Variants in MAN2A1 observed in about 807,000 individuals in gnomAD.
MAN2A1 encodes alpha-mannosidase 2.
MAN2A1 carries 76 observed loss-of-function variants against 142.6 expected under a neutral mutation model. The ratio of observed to expected loss-of-function variants is 0.53; its 90% CI spans 0.44 to 0.65. MAN2A1 has a LOEUF of 0.65. MAN2A1 is among the 30% of genes least tolerant of loss of function. The pLI, the probability that MAN2A1 is intolerant of heterozygous loss-of-function variation, is 0.00. For missense variants in MAN2A1, 1,311 were observed against 1,365.1 expected (o/e 0.96, Z 0.62); for synonymous variants, 559 against 473.2 (o/e 1.18, Z -2.35).
chr5:109,858,625 T>C (rs1755682289), intron 20 of MAN2A1, among the ~76,000 whole-genome samples: 1 of 152,234 alleles, frequency 6.6e-6, no homozygotes, highest in South Asian at 2.1e-4. Flanking sequence ...AAGCAAGACC[T>C]GAAGTCTGCA....
At position 109,828,463 on chromosome 5, in the gene MAN2A1, A is replaced by G. The variant is rs575322113; in HGVS notation, c.2566+4626A>G. Among the ~76,000 whole-genome samples, 13 of 152,332 alleles carry G rather than the reference A, an allele frequency of 8.5e-5. No homozygotes were observed. The South Asian group carries it at 2.7e-3, about 32-fold the overall frequency. ...CAAGGAAAGTACATACCTTGCAATA[A>G]TATAATACCAATAAGTGACATTGTT... On this transcript the variant is annotated intron_variant, in intron 16 of 21. Coordinates refer to ENST00000261483, the MANE Select transcript of MAN2A1 (RefSeq NM_002372.4).
chr5:109,708,764 A>G (rs1751212621), intron 1 of MAN2A1, among the ~76,000 whole-genome samples: 1 of 152,158 alleles, frequency 6.6e-6, no homozygotes. Context: ...TCTGGAGTCT[A>G]AAGGCTGGAG....
At chr5:109,759,274 TA>T (rs1258432931) in intron 5 of MAN2A1, among the ~76,000 whole-genome samples, 2 of 152,194 alleles carry the variant, frequency 1.3e-5, no homozygotes, top group Non-Finnish European at 2.9e-5. Context: ...AAAAGTCCTG[TA>T]CTTTTTTTGT....
intron 6 of MAN2A1, among the ~76,000 whole-genome samples, chr5:109,767,995 A>G (rs770779631): frequency 5.9e-5 from 9 of 152,238 alleles, no homozygotes; most frequent in Non-Finnish European, 1.2e-4. Flanking sequence ...CTTCTGTTTT[A>G]GAAAGCACGT....
intron 1 of MAN2A1, among the ~76,000 whole-genome samples, chr5:109,709,889 A>G (rs1432985829): frequency 1.3e-5 from 2 of 152,164 alleles, no homozygotes; most frequent in Non-Finnish European, 2.9e-5. Flanking sequence ...CAATGTTACT[A>G]TAAGTATTCT....
At chr5:109,786,184 A>G (rs987283203) in intron 10 of MAN2A1, among the ~76,000 whole-genome samples, 5 of 152,176 alleles carry the variant, frequency 3.3e-5, no homozygotes, top group African/African-American at 1.2e-4. Context: ...GAAAACCCTC[A>G]TTAGATGATA....
intron 4 of MAN2A1, among the ~76,000 whole-genome samples, chr5:109,749,643 G>A (rs1458784050): frequency 6.6e-6 from 1 of 152,012 alleles, no homozygotes; most frequent in Non-Finnish European, 1.5e-5. Context: ...GAAATATCAT[G>A]AAGTGTACAT....
chr5:109,822,869 G>A (rs1455112356), intron 15 of MAN2A1, among the ~76,000 whole-genome samples: 1 of 152,022 alleles, frequency 6.6e-6, no homozygotes, highest in Non-Finnish European at 1.5e-5. Context: ...AGTAGAGACG[G>A]GGTTTCACCA....
intron 4 of MAN2A1, among the ~76,000 whole-genome samples, chr5:109,744,637 G>T (rs1245810503): frequency 6.6e-6 from 1 of 152,128 alleles, no homozygotes; most frequent in Non-Finnish European, 1.5e-5. Flanking sequence ...GCAAGAATGT[G>T]TAGCAACAGA....
At chr5:109,832,730 C>G (rs923718602) in intron 16 of MAN2A1, among the ~76,000 whole-genome samples, 2 of 152,070 alleles carry the variant, frequency 1.3e-5, no homozygotes, top group East Asian at 3.9e-4. Context: ...AGGGGCCCCC[C>G]CACTTCCCTC....
rs1479972125 is a variant in MAN2A1 at position 109,755,285 on chromosome 5, T to G, written c.708-44T>G. The G allele has an allele frequency of 2.7e-6, 4 of 1,492,974 alleles. No homozygotes were observed. The Admixed American group carries it at 7.1e-5, about 27-fold the overall frequency. The allele number at this position is 1,492,974 out of a possible 1,614,324, so 92.5% of individuals were successfully genotyped here. On this transcript the variant is annotated intron_variant, in intron 4 of 21. Transcript: ENST00000261483. ...CTTGTTTAGTTTTTCATTTGAACTT[T>G]TCTTAACATTTATTAATGTAGACTC...
At chr5:109,761,694 A>C (rs1160081608) in intron 5 of MAN2A1, among the ~76,000 whole-genome samples, 3 of 152,038 alleles carry the variant, frequency 2.0e-5, no homozygotes, top group Non-Finnish European at 4.4e-5. Context: ...AAAATGAATT[A>C]GGTAGTACTG....
At chr5:109,791,007 A>G (rs1008535127) in intron 12 of MAN2A1, among the ~76,000 whole-genome samples, 8 of 152,136 alleles carry the variant, frequency 5.3e-5, no homozygotes, top group African/African-American at 1.9e-4. Context: ...AATGTAGTAT[A>G]TTAATGAAAG....
rs529474409 is a variant in MAN2A1, at chr5:109,726,096, C to T, written c.536-3246C>T. On this transcript the variant is annotated intron_variant, in intron 3 of 21. Coordinates refer to ENST00000261483, the MANE Select transcript of MAN2A1 (RefSeq NM_002372.4). The stretch of plus-strand genomic sequence containing the variant: ...GTATTCTTAATGCTGTTCTAGCCCT[C>T]GTTCAATTTTCAGGGATATTCCAAC... 1.2e-3 allele frequency among the ~76,000 whole-genome samples: 182 copies of T among 152,128 alleles called. 1 individual carries two copies. Among genetic ancestry groups the T allele is most frequent in the African/African-American group, 4.3e-3 (178 of 41,504 alleles).
At chr5:109,722,321 A>G (rs942904272) in intron 3 of MAN2A1, among the ~76,000 whole-genome samples, 1 of 152,132 alleles carries the variant, frequency 6.6e-6, no homozygotes, top group Non-Finnish European at 1.5e-5. Flanking sequence ...CCTAAATACT[A>G]TATTAGTACA....
At chr5:109,712,141 C>T (rs1484180081) in intron 1 of MAN2A1, among the ~76,000 whole-genome samples, 19 of 150,844 alleles carry the variant, frequency 1.3e-4, no homozygotes, top group Non-Finnish European at 7.4e-5. Context: ...TCTCTTCGGA[C>T]TTCTGCCAAT....
chr5:109,690,253 C>G lies in MAN2A1; in HGVS notation c.-165C>G. 1 of 677,816 alleles carries G rather than the reference C, an allele frequency of 1.5e-6. No individual in the cohort carries two copies. The highest frequency in any genetic ancestry group is 2.6e-6 in the Non-Finnish European group (1 of 390,554). The allele number at this position is 677,816 out of a possible 1,614,324, so 42.0% of individuals were successfully genotyped here. A position where few individuals can be genotyped will look rare whatever the true frequency, so the allele number is the denominator to read the frequency against. On this transcript the variant is annotated 5_prime_UTR_variant, in exon 1 of 22. Transcript: ENST00000261483. ...GAAGGCCAAGGGCGTGTGGTGGCGCCGGAGACTAGGTGCGGAGCAAGGCGG... is the reference window on the plus strand; with the variant it reads ...GAAGGCCAAGGGCGTGTGGTGGCGCGGGAGACTAGGTGCGGAGCAAGGCGG...
chr5:109,764,760 C>CGATG (rs1441425592), intron 5 of MAN2A1, among the ~76,000 whole-genome samples: 2 of 152,144 alleles, frequency 1.3e-5, no homozygotes, highest in African/African-American at 2.4e-5. Context: ...TCTTTGACAT[C>CGATG]ACTGCAGTGT....
At chr5:109,844,854 C>G (rs964225434) in intron 17 of MAN2A1, among the ~76,000 whole-genome samples, 1 of 152,106 alleles carries the variant, frequency 6.6e-6, no homozygotes, top group African/African-American at 2.4e-5. Context: ...CCAACATAAT[C>G]CAGAATGACC....
Sources: gnomAD v4.1 joint callset for allele counts (sites outside exome capture counted in the v4.1 genomes callset) on GRCh38, gnomAD v4.1.1 for gene constraint, MANE v1.5 for transcripts, NCBI Gene and HGNC (gene_info 2026-07-23, HGNC 2026-07-21) for gene names.